Variants in FHIT observed in about 807,000 individuals in gnomAD.
The protein encoded by FHIT is bis(5'-adenosyl)-triphosphatase.
In FHIT, 19 loss-of-function variants were observed where a neutral mutation model predicts 17.9. The observed-to-expected ratio is 1.06, with a 90% CI of 0.74 to 1.56. The LOEUF is 1.56. Ranked by LOEUF, FHIT falls within the 40% of genes most tolerant of loss-of-function variation. The probability of loss-of-function intolerance (pLI) is 0.00; values close to 1 mark genes in which losing one functional copy is unlikely to be tolerated. For missense variants in FHIT, 248 were observed against 189.2 expected, an observed-to-expected ratio of 1.31 and a Z score of -1.82; for synonymous variants, 81 against 69.7, an observed-to-expected ratio of 1.16 and a Z score of -0.81.
At chr3:61,129,440 G>A (rs546283272) in intron 2 of FHIT, among the ~76,000 whole-genome samples, 3 of 152,198 alleles carry the variant, frequency 2.0e-5, no homozygotes, top group Non-Finnish European at 2.9e-5. Flanking sequence ...GTAAATGGAT[G>A]AATAGTTGGA....
intron 5 of FHIT, among the ~76,000 whole-genome samples, chr3:60,127,969 G>C (rs185571358): frequency 3.3e-5 from 5 of 152,174 alleles, no homozygotes; most frequent in Admixed American, 2.6e-4. Flanking sequence ...GTTACACAAA[G>C]TCAGCAAAAC....
At chr3:60,885,669 T>G (rs1229640574) in intron 3 of FHIT, among the ~76,000 whole-genome samples, 2 of 152,300 alleles carry the variant, frequency 1.3e-5, no homozygotes, top group South Asian at 4.1e-4. Context: ...ACTACCCCAG[T>G]CACTTTGGCC....
intron 5 of FHIT, among the ~76,000 whole-genome samples, chr3:60,091,985 G>C (rs570402387): frequency 1.0e-3 from 154 of 152,126 alleles, no homozygotes; most frequent in Admixed American, 3.3e-3. Flanking sequence ...CCTCCAACCT[G>C]CTAATTAAGT....
chr3:60,322,403 A>T (rs1490905603), intron 5 of FHIT, among the ~76,000 whole-genome samples: 2 of 152,216 alleles, frequency 1.3e-5, no homozygotes, highest in Admixed American at 1.3e-4. Context: ...ACCCAATTAC[A>T]GTTTGAGTCA....
intron 3 of FHIT, among the ~76,000 whole-genome samples, chr3:60,967,689 A>G (rs903420310): frequency 6.6e-6 from 1 of 152,218 alleles, no homozygotes; most frequent in African/African-American, 2.4e-5. Flanking sequence ...TATGAAAAAC[A>G]AGATCAATAA....
intron 8 of FHIT, among the ~76,000 whole-genome samples, chr3:59,845,777 C>T (rs940642032): frequency 6.6e-6 from 1 of 152,122 alleles, no homozygotes; most frequent in Non-Finnish European, 1.5e-5. Flanking sequence ...TGGCATGTAT[C>T]TGTTAGATCC....
intron 5 of FHIT, among the ~76,000 whole-genome samples, chr3:60,136,071 A>T (rs1372030384): frequency 6.6e-6 from 1 of 152,172 alleles, no homozygotes; most frequent in East Asian, 1.9e-4. Context: ...TCAAGTACAG[A>T]GTCTAGACTT....
intron 8 of FHIT, among the ~76,000 whole-genome samples, chr3:59,763,354 C>T (rs541689608): frequency 9.2e-5 from 14 of 152,318 alleles, no homozygotes; most frequent in South Asian, 6.2e-4. Context: ...GCACACAGCA[C>T]GCAACCAATA....
At chr3:60,802,903 A>T (rs2106672335) in intron 4 of FHIT, among the ~76,000 whole-genome samples, 1 of 152,336 alleles carries the variant, frequency 6.6e-6, no homozygotes, top group East Asian at 1.9e-4. Flanking sequence ...TTCAAAACAA[A>T]TGTAAAGCTG....
At chr3:59,887,880 AT>A (rs1396929501) in intron 8 of FHIT, among the ~76,000 whole-genome samples, 1 of 152,202 alleles carries the variant, frequency 6.6e-6, no homozygotes, top group Non-Finnish European at 1.5e-5. Context: ...ATTCCTGTCC[AT>A]GGTCTCTCCC....
intron 5 of FHIT, among the ~76,000 whole-genome samples, chr3:60,139,761 A>G (rs1699958935): frequency 6.6e-6 from 1 of 152,030 alleles, no homozygotes; most frequent in Non-Finnish European, 1.5e-5. Context: ...TCCTTCCACT[A>G]TCAATCATCT....
chr3:60,170,395 T>A lies in FHIT; in HGVS notation c.104-156243A>T, dbSNP rs1022452428. Among the ~76,000 whole-genome samples the A allele has an allele frequency of 3.9e-5, 6 of 152,090 alleles. No individual in the cohort carries two copies. In the East Asian group the frequency reaches 5.8e-4, roughly 15 times the overall value. ...TATCCCCACTATTTGAGCCAATAAC[T>A]CCTCCTGTTGGCTGAAGTTACTTTG... On this transcript the variant is annotated intron_variant, in intron 5 of 9. Transcript: ENST00000492590.
chr3:59,759,397 G>T (rs1701387148), intron 8 of FHIT, among the ~76,000 whole-genome samples: 1 of 152,120 alleles, frequency 6.6e-6, no homozygotes, highest in African/African-American at 2.4e-5. Context: ...GGGAGAGGGG[G>T]CTCATTTGCC....
chr3:60,535,461 C>G (rs1249748557), intron 5 of FHIT, among the ~76,000 whole-genome samples: 1 of 152,010 alleles, frequency 6.6e-6, no homozygotes, highest in Non-Finnish European at 1.5e-5. Context: ...AAGGAAAAAG[C>G]CCACTACAAA....
At chr3:60,209,858 C>A (rs1703368446) in intron 5 of FHIT, among the ~76,000 whole-genome samples, 1 of 152,070 alleles carries the variant, frequency 6.6e-6, no homozygotes, top group African/African-American at 2.4e-5. Context: ...ACCGCATGTT[C>A]TCACTCATAA....
intron 8 of FHIT, among the ~76,000 whole-genome samples, chr3:59,835,663 C>T (rs1196208779): frequency 2.0e-5 from 3 of 152,048 alleles, no homozygotes; most frequent in Non-Finnish European, 4.4e-5. Flanking sequence ...TCCCCATAAG[C>T]CTAAGATTCC....
chr3:60,173,919 T>A lies in FHIT; in HGVS notation c.104-159767A>T, dbSNP rs76164558. 7.4e-3 allele frequency among the ~76,000 whole-genome samples: 127 copies of A among 17,158 alleles called. 2 individuals are homozygous for A. The highest frequency in any genetic ancestry group is 0.011 in the East Asian group (5 of 440). 11.3% of individuals were successfully genotyped at this position (17,158 alleles called of 152,430 possible). A position where few individuals can be genotyped will look rare whatever the true frequency, so the allele number is the denominator to read the frequency against. On this transcript the variant is annotated intron_variant, in intron 5 of 9. Coordinates refer to ENST00000492590, the MANE Select transcript of FHIT (RefSeq NM_002012.4). ...TATATATATATATATATATATATGT[T>A]TTTTTTTTTTTTTGAGATCGAGTCT... is the stretch of plus-strand genomic sequence containing the variant.
intron 5 of FHIT, among the ~76,000 whole-genome samples, chr3:60,081,443 G>A (rs951555580): frequency 6.6e-6 from 1 of 152,016 alleles, no homozygotes; most frequent in Non-Finnish European, 1.5e-5. Flanking sequence ...CTCCCACCAA[G>A]GAAAACAGAG....
At chr3:61,142,124 T>TTG (rs2037102333) in intron 2 of FHIT, among the ~76,000 whole-genome samples, 1 of 150,772 alleles carries the variant, frequency 6.6e-6, no homozygotes, top group Non-Finnish European at 1.5e-5. Context: ...TAAAAAAAAT[T>TTG]TTTTTTTTAT....
Sources: allele counts gnomAD v4.1 joint callset (sites outside exome capture counted in the v4.1 genomes callset), GRCh38; gene constraint gnomAD v4.1.1; transcripts MANE v1.5; gene names NCBI Gene and HGNC (gene_info 2026-07-23, HGNC 2026-07-21).